The following GRIK4 variants were observed in gnomAD, a reference collection of about 807,000 sequenced individuals.
The protein encoded by GRIK4 is glutamate ionotropic receptor kainate type subunit 4, also known as glutamate receptor ionotropic, kainate 4.
A neutral mutation model predicts 104.9 loss-of-function variants in GRIK4; 40 were observed. The observed-to-expected ratio is 0.38, with a 90% CI of 0.30 to 0.50. The LOEUF is 0.50. Ranked by LOEUF, GRIK4 falls within the 20% of genes least tolerant of loss-of-function variation. The pLI, the probability that GRIK4 is intolerant of heterozygous loss-of-function variation, is 0.93. For synonymous variants in GRIK4, 485 were observed against 524.9 expected (o/e 0.92, Z 1.04); for missense variants, 1,047 against 1,308.1 (o/e 0.80, Z 3.08).
intron 3 of GRIK4, among the ~76,000 whole-genome samples, chr11:120,761,618 T>G (rs1951750260): frequency 6.6e-6 from 1 of 152,212 alleles, no homozygotes; most frequent in Non-Finnish European, 1.5e-5. Flanking sequence ...CTTGAGTTAA[T>G]TTTTGTATAA....
intron 1 of GRIK4, among the ~76,000 whole-genome samples, chr11:120,577,769 T>A (rs1948504422): frequency 6.6e-6 from 1 of 152,204 alleles, no homozygotes; most frequent in Admixed American, 6.5e-5. Context: ...GAGTATCTGC[T>A]GGACAGAGCC....
At chr11:120,811,994 G>A (rs1219051409) in intron 4 of GRIK4, among the ~76,000 whole-genome samples, 4 of 152,200 alleles carry the variant, frequency 2.6e-5, no homozygotes, top group African/African-American at 7.2e-5. Flanking sequence ...GGCACACTCC[G>A]ATCTACGTTT....
At chr11:120,521,347 C>T (rs1281875552) in intron 1 of GRIK4, among the ~76,000 whole-genome samples, 1 of 152,168 alleles carries the variant, frequency 6.6e-6, no homozygotes, top group Admixed American at 6.5e-5. Flanking sequence ...GCTGGGATTA[C>T]AGGTGTGCGC....
chr11:120,984,045 G>A (rs1294153739), intron 20 of GRIK4, among the ~76,000 whole-genome samples: 3 of 152,198 alleles, frequency 2.0e-5, no homozygotes, highest in Admixed American at 2.0e-4. Context: ...GAAAACTAAT[G>A]TAGGCCTTAT....
At chr11:120,577,046 T>C (rs1055926757) in intron 1 of GRIK4, among the ~76,000 whole-genome samples, 10 of 152,176 alleles carry the variant, frequency 6.6e-5, no homozygotes, top group African/African-American at 2.2e-4. Context: ...AAGAGAAATA[T>C]TGCGCTTTAG....
intron 16 of GRIK4, among the ~76,000 whole-genome samples, chr11:120,959,075 A>G (rs1423187384): frequency 3.3e-5 from 5 of 152,076 alleles, no homozygotes; most frequent in Non-Finnish European, 7.4e-5. Context: ...ACATTTCTCT[A>G]TATCTCACAT....
At chr11:120,598,262 G>A (rs776690212) in intron 1 of GRIK4, among the ~76,000 whole-genome samples, 28 of 152,310 alleles carry the variant, frequency 1.8e-4, no homozygotes, top group Middle Eastern at 3.4e-3. Flanking sequence ...TCACAGCAGC[G>A]TTATGAAACG....
chr11:120,819,691 C>A lies in GRIK4; in HGVS notation c.346-64C>A. Reference sequence around the variant, plus strand: ...CCCTCCACAACCTCAGCTCACTCATCCCTCTTTCTTCCTTTTCACCCACCT... The same window carrying A: ...CCCTCCACAACCTCAGCTCACTCATACCTCTTTCTTCCTTTTCACCCACCT... On this transcript the variant is annotated intron_variant, in intron 5 of 20. Coordinates refer to ENST00000527524, the MANE Select transcript of GRIK4 (RefSeq NM_014619.5). This position sits in a 1 kb window ranked among gnomAD's most constrained non-coding sequence, Gnocchi z 4.3. 6.8e-7 allele frequency: 1 copy of A among 1,480,704 alleles called. No homozygotes were observed. Among genetic ancestry groups the A allele is most frequent in the Middle Eastern group, 1.7e-4 (1 of 5,772 alleles). 91.7% of individuals were successfully genotyped at this position (1,480,704 alleles called of 1,614,324 possible).
intron 20 of GRIK4, among the ~76,000 whole-genome samples, chr11:120,985,165 A>G (rs923871954): frequency 7.9e-5 from 12 of 152,200 alleles, no homozygotes; most frequent in African/African-American, 2.9e-4. Context: ...CTGACACCTA[A>G]AAAGCTTGGA....
At chr11:120,533,340 T>C (rs1251496627) in intron 1 of GRIK4, among the ~76,000 whole-genome samples, 1 of 152,244 alleles carries the variant, frequency 6.6e-6, no homozygotes, top group Non-Finnish European at 1.5e-5. Flanking sequence ...GGCAGAGTTC[T>C]GAGGGCTTTC....
intron 17 of GRIK4, among the ~76,000 whole-genome samples, chr11:120,961,978 G>A (rs1944294544): frequency 6.6e-6 from 1 of 152,186 alleles, no homozygotes; most frequent in Non-Finnish European, 1.5e-5. Flanking sequence ...CATTGGATAT[G>A]TGATTGATCA....
At chr11:120,535,425 G>A (rs370302416) in intron 1 of GRIK4, among the ~76,000 whole-genome samples, 2 of 152,010 alleles carry the variant, frequency 1.3e-5, no homozygotes, top group East Asian at 1.9e-4. Flanking sequence ...GGAAAAGCCT[G>A]TAAAAGGAGG....
At chr11:120,948,675 A>G (rs547427344) in intron 14 of GRIK4, among the ~76,000 whole-genome samples, 26 of 152,326 alleles carry the variant, frequency 1.7e-4, no homozygotes, top group Admixed American at 3.3e-4. Context: ...CATCTTTAAC[A>G]TGTGTCACTG....
At chr11:120,539,973 G>GTA (rs1204263667) in intron 1 of GRIK4, among the ~76,000 whole-genome samples, 3 of 152,160 alleles carry the variant, frequency 2.0e-5, no homozygotes, top group African/African-American at 4.8e-5. Context: ...TTTGTGACAG[G>GTA]CAGCGAATCG....
intron 3 of GRIK4, among the ~76,000 whole-genome samples, chr11:120,744,273 A>T (rs1237519977): frequency 1.3e-5 from 2 of 152,264 alleles, no homozygotes; most frequent in Non-Finnish European, 2.9e-5. Context: ...GGACTTGGGA[A>T]TATCTGGAAA....
At chr11:120,650,257 C>T (rs565441841) in intron 1 of GRIK4, among the ~76,000 whole-genome samples, 1 of 152,210 alleles carries the variant, frequency 6.6e-6, no homozygotes, top group Non-Finnish European at 1.5e-5. Context: ...CAATGCAGAG[C>T]CTTATCCTAG....
intron 3 of GRIK4, among the ~76,000 whole-genome samples, chr11:120,686,157 G>A (rs1185492103): frequency 6.6e-6 from 1 of 150,718 alleles, no homozygotes; most frequent in African/African-American, 2.5e-5. Flanking sequence ...ATAAATGTTA[G>A]TTTCTTAAAA....
Position 120,631,363 on chromosome 11 carries a change from G to A in GRIK4, c.-158-22322G>A, listed in dbSNP as rs572293355. Among the ~76,000 whole-genome samples, 3 of 152,312 alleles carry A rather than the reference G, an allele frequency of 2.0e-5. No homozygotes were observed. In the South Asian group the frequency reaches 6.2e-4, roughly 32 times the overall value. On this transcript the variant is annotated intron_variant, in intron 1 of 20. Transcript: ENST00000527524. ...ACCTGAGTTTCGGCGTTTCTCATGA[G>A]CTCCCTGGGGATATGGATGCTGTTG...
chr11:120,675,474 T>TA (rs751962612), intron 3 of GRIK4, among the ~76,000 whole-genome samples: 5 of 152,256 alleles, frequency 3.3e-5, no homozygotes, highest in Non-Finnish European at 7.3e-5. Context: ...GGACTGGAGA[T>TA]AACAGAGCTT....
Sources: gnomAD v4.1 joint callset for allele counts (sites outside exome capture counted in the v4.1 genomes callset) on GRCh38, gnomAD v4.1.1 for gene constraint, Gnocchi (gnomAD v3.1) non-coding constraint, MANE v1.5 for transcripts, NCBI Gene and HGNC (gene_info 2026-07-23, HGNC 2026-07-21) for gene names.